DDAH1: variants seen among roughly 807,000 people sequenced by gnomAD.
DDAH1 encodes the protein N(G),N(G)-dimethylarginine dimethylaminohydrolase 1.
A neutral mutation model predicts 28.8 loss-of-function variants in DDAH1; 19 were observed. The observed-to-expected ratio is 0.66, with a 90% CI of 0.46 to 0.97. The LOEUF (loss-of-function observed/expected upper bound fraction) is 0.97. DDAH1 is among the 50% of genes least tolerant of loss of function. The probability of loss-of-function intolerance (pLI) is 0.00; values close to 1 mark genes in which losing one functional copy is unlikely to be tolerated. For synonymous variants in DDAH1, 153 were observed against 154.4 expected (o/e 0.99, Z 0.07); for missense variants, 326 against 375.9 (o/e 0.87, Z 1.10).
chr1:85,359,385 A>G (rs1294302043), intron 1 of DDAH1, among the ~76,000 whole-genome samples: 1 of 152,068 alleles, frequency 6.6e-6, no homozygotes, highest in African/African-American at 2.4e-5. Flanking sequence ...CTGACCAGTT[A>G]GCACACTATT....
At chr1:85,504,232 T>C (rs1302512218) in intron 1 of DDAH1, among the ~76,000 whole-genome samples, 3 of 152,192 alleles carry the variant, frequency 2.0e-5, no homozygotes, top group African/African-American at 7.2e-5. Context: ...CCTCTGTTGA[T>C]AGCCCACTGT....
chr1:85,459,883 G>C (rs934275391), intron 1 of DDAH1, among the ~76,000 whole-genome samples: 8 of 152,208 alleles, frequency 5.3e-5, no homozygotes, highest in Admixed American at 2.6e-4. Context: ...GTTCGAGTTA[G>C]ATTGCATATC....
intron 1 of DDAH1, among the ~76,000 whole-genome samples, chr1:85,451,602 G>GC (rs1654673412): frequency 6.6e-6 from 1 of 152,060 alleles, no homozygotes; most frequent in African/African-American, 2.4e-5. Flanking sequence ...GGAAGAGAAC[G>GC]CCCCCTCTCA....
chr1:85,496,801 C>T (rs1422423673), intron 1 of DDAH1, among the ~76,000 whole-genome samples: 4 of 152,054 alleles, frequency 2.6e-5, no homozygotes, highest in African/African-American at 4.8e-5. Context: ...ATAATTTAAC[C>T]TAATATCATA....
intron 1 of DDAH1, among the ~76,000 whole-genome samples, chr1:85,421,572 C>T (rs1398481255): frequency 6.6e-6 from 1 of 152,058 alleles, no homozygotes; most frequent in East Asian, 1.9e-4. Flanking sequence ...AATAGTTTTG[C>T]TGCCCACAAA....
At chr1:85,381,351 C>A (rs139497844) in intron 1 of DDAH1, among the ~76,000 whole-genome samples, 2 of 15,568 alleles carry the variant, frequency 1.3e-4, no homozygotes, top group Non-Finnish European at 2.0e-4. Context: ...TGCATTGTTT[C>A]TTTTATTTCA....
At chr1:85,498,556 C>A (rs1461592867) in intron 1 of DDAH1, among the ~76,000 whole-genome samples, 3 of 151,948 alleles carry the variant, frequency 2.0e-5, no homozygotes, top group Non-Finnish European at 2.9e-5. Flanking sequence ...CATTTCAGTC[C>A]CTAGATAGCC....
intron 1 of DDAH1, among the ~76,000 whole-genome samples, chr1:85,453,663 C>T (rs796226038): frequency 3.1e-4 from 47 of 152,242 alleles, no homozygotes; most frequent in African/African-American, 1.1e-3. Flanking sequence ...CAGAATGAAC[C>T]CCAATTTATA....
At chr1:85,467,758 TC>T (rs1245599742), upstream of DDAH1, 1 of 152,248 alleles carries the variant, frequency 6.6e-6, no homozygotes, top group Non-Finnish European at 1.5e-5. Flanking sequence ...TGTTCATTTT[TC>T]CCATGAATAT....
intron 1 of DDAH1, among the ~76,000 whole-genome samples, chr1:85,405,287 T>C (rs1652352111): frequency 1.3e-5 from 2 of 152,216 alleles, no homozygotes; most frequent in African/African-American, 2.4e-5. Flanking sequence ...GTTGAAACTA[T>C]ACCTAAGATT....
intron 2 of DDAH1, among the ~76,000 whole-genome samples, chr1:85,480,831 T>C (rs1357815024): frequency 6.6e-6 from 1 of 151,894 alleles, no homozygotes; most frequent in African/African-American, 2.4e-5. Context: ...AAAAGAGTAG[T>C]TAAATAAATC....
chr1:85,442,642 C>A (rs1433986867), intron 1 of DDAH1, among the ~76,000 whole-genome samples: 2 of 152,184 alleles, frequency 1.3e-5, no homozygotes, highest in Non-Finnish European at 2.9e-5. Flanking sequence ...TATAGTCCCA[C>A]CAACAGTGTA....
intron 5 of DDAH1, among the ~76,000 whole-genome samples, chr1:85,323,011 C>G (rs574613420): frequency 6.6e-6 from 1 of 152,236 alleles, no homozygotes; most frequent in South Asian, 2.1e-4. Flanking sequence ...AGATCCATTA[C>G]TCATCTAAGA....
intron 1 of DDAH1, among the ~76,000 whole-genome samples, chr1:85,532,926 A>T (rs1238407663): frequency 6.6e-6 from 1 of 152,232 alleles, no homozygotes; most frequent in African/African-American, 2.4e-5. Flanking sequence ...CCAAGATGAT[A>T]CGCTGGTTTG....
chr1:85,535,980 G>T (rs1264813757), intron 1 of DDAH1, among the ~76,000 whole-genome samples: 9 of 152,186 alleles, frequency 5.9e-5, no homozygotes, highest in Non-Finnish European at 1.0e-4. Flanking sequence ...AAACCACGAG[G>T]CCGGGTGTGG....
chr1:85,489,164 G>T (rs144985853), intron 2 of DDAH1, among the ~76,000 whole-genome samples: 74 of 152,238 alleles, frequency 4.9e-4, no homozygotes, highest in Middle Eastern at 3.4e-3. Flanking sequence ...AGTTAAAATG[G>T]TTATTCAGAC....
chr1:85,339,777 C>A (rs1031294052), intron 4 of DDAH1, among the ~76,000 whole-genome samples: 1 of 152,164 alleles, frequency 6.6e-6, no homozygotes, highest in Non-Finnish European at 1.5e-5. Context: ...TACTTATCAA[C>A]ACCTACGGCA....
intron 1 of DDAH1, among the ~76,000 whole-genome samples, chr1:85,420,635 G>T (rs1222575109): frequency 2.6e-5 from 4 of 152,162 alleles, no homozygotes; most frequent in African/African-American, 9.7e-5. Flanking sequence ...GACCTTGGTA[G>T]CCTGGACTTC....
intron 2 of DDAH1, among the ~76,000 whole-genome samples, chr1:85,483,339 T>A (rs10493767): frequency 0.082 from 12,516 of 152,208 alleles, 700 homozygotes; most frequent in Middle Eastern, 0.13. Flanking sequence ...AGAGAGGATG[T>A]TACGTTGTAA....
Sources: allele counts gnomAD v4.1 joint callset (sites outside exome capture counted in the v4.1 genomes callset), GRCh38; gene constraint gnomAD v4.1.1; transcripts MANE v1.5; gene names NCBI Gene and HGNC (gene_info 2026-07-23, HGNC 2026-07-21).